LIMCH1: variants seen among roughly 807,000 people sequenced by gnomAD.
LIMCH1 encodes the protein LIM and calponin homology domains-containing protein 1.
Under a neutral mutation model 176.5 loss-of-function variants are expected in LIMCH1, and 113 were observed. The ratio of observed to expected loss-of-function variants is 0.64; its 90% CI spans 0.55 to 0.75. The LOEUF is 0.75. Among genes scored for constraint, LIMCH1 ranks in the 30% least tolerant of loss-of-function variants. The pLI is 0.00. For missense variants in LIMCH1, 1,674 were observed against 1,814.9 expected (o/e 0.92, Z 1.41); for synonymous variants, 619 against 645.9 (o/e 0.96, Z 0.63).
At chr4:41,440,020 C>G (rs182453257) in intron 1 of LIMCH1, among the ~76,000 whole-genome samples, 2 of 152,340 alleles carry the variant, frequency 1.3e-5, no homozygotes, top group Non-Finnish European at 1.5e-5. Flanking sequence ...CTCCTGTACA[C>G]TAGGCATTTT....
At chr4:41,684,291 T>G in intron 26 of LIMCH1, 106 bp from the exon 27 acceptor site, 1 of 939,994 alleles carries the variant, frequency 1.1e-6, no homozygotes, top group Non-Finnish European at 1.5e-6. Flanking sequence ...TCCCATCTCT[T>G]TTTTTATATT....
At chr4:41,368,432 A>G (rs1031176126) in intron 1 of LIMCH1, among the ~76,000 whole-genome samples, 10 of 152,218 alleles carry the variant, frequency 6.6e-5, no homozygotes, top group Non-Finnish European at 1.2e-4. Flanking sequence ...TAAACAATAC[A>G]TATATAATTA....
At chr4:41,384,342 C>T (rs2056172219) in intron 1 of LIMCH1, among the ~76,000 whole-genome samples, 2 of 151,664 alleles carry the variant, frequency 1.3e-5, no homozygotes, top group Non-Finnish European at 2.9e-5. Flanking sequence ...GTAACTGGGA[C>T]TACAGGTGCC....
At chr4:41,506,753 T>TCTTTCTTTATACTTTCATATA (rs1411355569) in intron 2 of LIMCH1, among the ~76,000 whole-genome samples, 15 of 152,228 alleles carry the variant, frequency 9.9e-5, no homozygotes, top group African/African-American at 3.6e-4. Context: ...AGTAGTTTTT[T>TCTTTCTTTATACTTTCATATA]CTTTCTTTAT....
At chr4:41,534,760 T>C (rs564294891), upstream of LIMCH1, among the ~76,000 whole-genome samples, 1 of 152,236 alleles carries the variant, frequency 6.6e-6, no homozygotes, top group East Asian at 1.9e-4. Flanking sequence ...AGTATTGTCT[T>C]TGGAGTGTTT....
At chr4:41,391,263 C>T (rs1370725149) in intron 1 of LIMCH1, among the ~76,000 whole-genome samples, 4 of 152,126 alleles carry the variant, frequency 2.6e-5, no homozygotes, top group Non-Finnish European at 5.9e-5. Context: ...CCTATGTTGA[C>T]TGGGGTCACA....
intron 1 of LIMCH1, among the ~76,000 whole-genome samples, chr4:41,476,126 C>T (rs997968706): frequency 5.3e-5 from 8 of 152,134 alleles, no homozygotes; most frequent in African/African-American, 1.4e-4. Context: ...CATGAGCTCT[C>T]ACACCTGGCC....
intron 18 of LIMCH1, among the ~76,000 whole-genome samples, chr4:41,654,502 G>T (rs1285318273): frequency 6.6e-6 from 1 of 152,172 alleles, no homozygotes; most frequent in East Asian, 1.9e-4. Flanking sequence ...TTTACAATGG[G>T]TTTATCAGAA....
chr4:41,482,326 A>G (rs973481740), intron 1 of LIMCH1, among the ~76,000 whole-genome samples: 3 of 152,046 alleles, frequency 2.0e-5, no homozygotes, highest in African/African-American at 7.2e-5. Context: ...GGAAGGAGGT[A>G]GGGGTGGTAC....
rs1166111237 is a variant in LIMCH1 at position 41,650,471 on chromosome 4, C to T, written c.2899C>T (p.Pro967Ser). The part of the protein sequence containing the change: ...EKERECPTVA[P>S]AHSLTKSQMF... ...GGAAAGAGAGTGTCCCACGGTGGCACCTGCCCACTCCTTAACCAAATCCCA... is the reference window on the plus strand; with the variant it reads ...GGAAAGAGAGTGTCCCACGGTGGCATCTGCCCACTCCTTAACCAAATCCCA... Residue 967 changes from proline to serine, a missense_variant, in exon 18 of 32, where the codon CCT becomes TCT. This residue lies in a region of LIMCH1 where 1,015 missense variants were observed against 1,102.5 expected (regional missense o/e 0.92). Coordinates refer to ENST00000503057, the MANE Select transcript of LIMCH1 (RefSeq NM_001330672.2). The T allele has an allele frequency of 6.8e-6, 11 of 1,614,050 alleles. No individual in the cohort carries two copies. The highest frequency in any genetic ancestry group is 9.3e-6 in the Non-Finnish European group (11 of 1,179,984).
At position 41,666,590 on chromosome 4, in the gene LIMCH1, A is replaced by G; in HGVS notation, c.3321A>G (p.Glu1107=). 1 of 1,614,000 alleles carries G rather than the reference A, an allele frequency of 6.2e-7. No homozygotes were observed. The highest frequency in any genetic ancestry group is 8.5e-7 in the Non-Finnish European group (1 of 1,179,882). ...KVVKPKSPEP[E]ATLTFPFLDK... ...TAAAGCCAAAATCTCCAGAACCCGA[A>G]GCAACGCTGACATTTCCATTTCTGG... Residue 1107 remains glutamate (E), a synonymous_variant, in exon 21 of 32, where the codon GAA becomes GAG. Transcript: ENST00000503057.
intron 23 of LIMCH1, among the ~76,000 whole-genome samples, chr4:41,679,546 A>G (rs1301891701): frequency 1.3e-5 from 2 of 152,240 alleles, no homozygotes; most frequent in African/African-American, 2.4e-5. Flanking sequence ...TCAGCTAATT[A>G]TCATCTTGTC....
chr4:41,400,763 T>G (rs1013121717), intron 1 of LIMCH1, among the ~76,000 whole-genome samples: 14 of 152,324 alleles, frequency 9.2e-5, no homozygotes, highest in Middle Eastern at 6.8e-3. Context: ...TCTGGATATA[T>G]TTTGATGAGA....
chr4:41,376,347 G>T (rs1020877151), intron 1 of LIMCH1, among the ~76,000 whole-genome samples: 2 of 152,078 alleles, frequency 1.3e-5, no homozygotes, highest in East Asian at 3.8e-4. Context: ...TTGAAGCTTT[G>T]GTCCTTACTA....
intron 1 of LIMCH1, among the ~76,000 whole-genome samples, chr4:41,369,244 A>G (rs1022806261): frequency 6.6e-5 from 10 of 152,140 alleles, no homozygotes; most frequent in African/African-American, 2.2e-4. Context: ...TCACCTTTCC[A>G]GGAAGCTGGA....
rs902323720 is a variant in LIMCH1 at position 41,626,577 on chromosome 4, G to C, written c.726-131G>C. On this transcript the variant is annotated intron_variant, in intron 7 of 31. Coordinates refer to ENST00000503057, the MANE Select transcript of LIMCH1 (RefSeq NM_001330672.2). ...TGCTGCAATTCTAGACTGAAATAATGAACAGATGTCATTTGAACTAACAAT... is the reference window on the plus strand; with the variant it reads ...TGCTGCAATTCTAGACTGAAATAATCAACAGATGTCATTTGAACTAACAAT... 15 of 770,732 alleles carry C rather than the reference G, an allele frequency of 1.9e-5. No homozygotes were observed. In the African/African-American group the frequency reaches 2.5e-4, roughly 13 times the overall value. 47.7% of individuals were successfully genotyped at this position (770,732 alleles called of 1,614,324 possible). A position where few individuals can be genotyped will look rare whatever the true frequency, so the allele number is the denominator to read the frequency against.
intron 1 of LIMCH1, among the ~76,000 whole-genome samples, chr4:41,361,239 C>T (rs1233761016): frequency 6.6e-6 from 1 of 152,264 alleles, no homozygotes; most frequent in African/African-American, 2.4e-5. Context: ...TCAGCTAGCG[C>T]CGCTTCCAGG....
Position 41,697,199 on chromosome 4 carries a change from C to A in LIMCH1, c.*14C>A. On this transcript the variant is annotated 3_prime_UTR_variant, in exon 32 of 32. Transcript: ENST00000503057. ...ACAACATTGTGACACGGCTTTCAAGCTTCCGGATCACTCACCATTTCTTTA... is the reference window on the plus strand; with the variant it reads ...ACAACATTGTGACACGGCTTTCAAGATTCCGGATCACTCACCATTTCTTTA... The A allele has an allele frequency of 6.2e-7, 1 of 1,613,170 alleles. No homozygotes were observed. The highest frequency in any genetic ancestry group is 2.2e-5 in the East Asian group (1 of 44,876).
upstream of LIMCH1, among the ~76,000 whole-genome samples, chr4:41,535,965 T>G (rs547208721): frequency 3.9e-5 from 6 of 152,328 alleles, no homozygotes; most frequent in African/African-American, 1.4e-4. Flanking sequence ...CCCTTATCTT[T>G]CGTTGAACAG....
Sources: gnomAD v4.1 joint callset for allele counts (sites outside exome capture counted in the v4.1 genomes callset) on GRCh38, gnomAD v4.1.1 for gene constraint, gnomAD v4.1.1 regional missense constraint, MANE v1.5 for transcripts, NCBI Gene and HGNC (gene_info 2026-07-23, HGNC 2026-07-21) for gene names.